LIMCH1: variants seen among roughly 807,000 people sequenced by gnomAD.
The protein encoded by LIMCH1 is LIM and calponin homology domains 1.
LIMCH1 carries 113 observed loss-of-function variants against 176.5 expected under a neutral mutation model. That is an observed-to-expected ratio of 0.64 (90% CI 0.55 to 0.75). The LOEUF (loss-of-function observed/expected upper bound fraction) is 0.75. Ranked by LOEUF, LIMCH1 falls within the 30% of genes least tolerant of loss-of-function variation. The probability of loss-of-function intolerance (pLI) is 0.00; values close to 1 mark genes in which losing one functional copy is unlikely to be tolerated. For synonymous variants in LIMCH1, 619 were observed against 645.9 expected (o/e 0.96, Z 0.63); for missense variants, 1,674 against 1,814.9 (o/e 0.92, Z 1.41).
At chr4:41,567,263 T>C (rs1368130044) in intron 1 of LIMCH1, among the ~76,000 whole-genome samples, 2 of 152,208 alleles carry the variant, frequency 1.3e-5, no homozygotes, top group South Asian at 4.1e-4. Context: ...TATATTATGC[T>C]GTACATGGGA....
chr4:41,631,225 TTGCCAAC>T lies in LIMCH1; in HGVS notation c.1350_1356del (p.Asn452LysfsTer21). 6.5e-7 allele frequency: 1 copy of T among 1,536,154 alleles called. No individual in the cohort carries two copies. Among genetic ancestry groups the T allele is most frequent in the South Asian group, 1.2e-5 (1 of 84,060 alleles). ...GCAGAAACTGCCATTCGTGATGACT[TTGCCAAC>T]CGCAAAGCAAGGGCCTCTAAGAAAG... is the stretch of plus-strand genomic sequence containing the variant. On this transcript the variant is annotated frameshift_variant, in exon 10 of 32. Coordinates refer to ENST00000503057, the MANE Select transcript of LIMCH1 (RefSeq NM_001330672.2). LOFTEE classifies it high-confidence loss of function.
intron 1 of LIMCH1, among the ~76,000 whole-genome samples, chr4:41,467,850 C>T (rs2066375316): frequency 6.6e-6 from 1 of 152,210 alleles, no homozygotes; most frequent in Non-Finnish European, 1.5e-5. Context: ...TACCCCTGAA[C>T]TCAGAGGCTA....
At chr4:41,645,284 A>G (rs1396733182) in intron 15 of LIMCH1, among the ~76,000 whole-genome samples, 1 of 152,214 alleles carries the variant, frequency 6.6e-6, no homozygotes, top group Non-Finnish European at 1.5e-5. Flanking sequence ...GGAGGTAGCT[A>G]TTGCAAACTT....
intron 5 of LIMCH1, among the ~76,000 whole-genome samples, chr4:41,617,917 A>T (rs550319438): frequency 6.6e-6 from 1 of 152,344 alleles, no homozygotes; most frequent in East Asian, 1.9e-4. Flanking sequence ...CAATAGTTTC[A>T]TATGTATCTG....
chr4:41,513,306 T>C (rs925664573), intron 2 of LIMCH1, among the ~76,000 whole-genome samples: 1 of 152,150 alleles, frequency 6.6e-6, no homozygotes, highest in South Asian at 2.1e-4. Context: ...TGCTTGCTGT[T>C]TGATGATTTT....
chr4:41,476,391 T>C (rs1194633041), intron 1 of LIMCH1, among the ~76,000 whole-genome samples: 1 of 152,204 alleles, frequency 6.6e-6, no homozygotes, highest in Admixed American at 6.5e-5. Context: ...TTCATTGCTG[T>C]GGGCGTTGTT....
At position 41,361,144 on chromosome 4, in the gene LIMCH1, G is replaced by A. The variant is rs542833405; in HGVS notation, c.96+208G>A. Among the ~76,000 whole-genome samples, 15 of 152,340 alleles carry A rather than the reference G, an allele frequency of 9.8e-5. No homozygotes were observed. The South Asian group carries it at 3.1e-3, about 32-fold the overall frequency. ...TCCCGGGCGAGGGTGGGCGTGAAAG[G>A]GGACACTGCAGTCTAGCTGCGCGCG... On this transcript the variant is annotated intron_variant, in intron 1 of 26. Transcript: ENST00000313860.
chr4:41,682,984 C>A (rs960059898), intron 26 of LIMCH1, among the ~76,000 whole-genome samples: 3 of 152,042 alleles, frequency 2.0e-5, no homozygotes, highest in African/African-American at 7.2e-5. Flanking sequence ...GCCTAAATAG[C>A]CTTATTTTTA....
In LIMCH1 at chr4:41,650,398, C is replaced by G; in HGVS notation, c.2826C>G (p.Asp942Glu). 1 of 1,613,168 alleles carries G rather than the reference C, an allele frequency of 6.2e-7. No individual in the cohort carries two copies. The highest frequency in any genetic ancestry group is 8.5e-7 in the Non-Finnish European group (1 of 1,179,396). Reference sequence around the variant, plus strand: ...GTTCATTCTGGCTTTTATAGGTAGACGGGAAAGTCAGTGTGAATGGAGAGA... The same window carrying G: ...GTTCATTCTGGCTTTTATAGGTAGAGGGGAAAGTCAGTGTGAATGGAGAGA... ...SQDVLKTFKV[D>E]GKVSVNGETV... The change falls in exon 18 of 32, where the codon GAC (aspartate) becomes GAG (glutamate). Residue 942 changes from aspartate to glutamate, a missense_variant. Around this residue, in one of 3 missense-constraint regions of LIMCH1, gnomAD observed 1,015 missense variants for 1,102.5 expected, o/e 0.92. Transcript: ENST00000503057.
chr4:41,404,461 T>G lies in LIMCH1; in HGVS notation c.96+43525T>G, dbSNP rs1418096986. ...ACCACTTCAGTCTTGCCTTGCTCCT[T>G]GGGGAGTATTTTCTTTTAAAAAAAT... On this transcript the variant is annotated intron_variant, in intron 1 of 26. Coordinates refer to the LIMCH1 transcript ENST00000313860. Among the ~76,000 whole-genome samples the G allele has an allele frequency of 2.6e-5, 4 of 152,182 alleles. No individual in the cohort carries two copies. In the East Asian group the frequency reaches 7.7e-4, roughly 29 times the overall value.
Position 41,626,712 on chromosome 4 carries a change from A to C in LIMCH1, c.730A>C (p.Lys244Gln). 6.5e-7 allele frequency: 1 copy of C among 1,535,044 alleles called. No individual in the cohort carries two copies. Among genetic ancestry groups the C allele is most frequent in the South Asian group, 1.2e-5 (1 of 84,036 alleles). Residue 244 changes from lysine (K) to glutamine (Q), a missense_variant, in exon 8 of 32, where the codon AAA becomes CAA. Physicochemically the swap from Lys to Gln is moderately conservative, Grantham distance 53. Around this residue, in one of 3 missense-constraint regions of LIMCH1, gnomAD observed 655 missense variants for 692.2 expected, o/e 0.95. Coordinates refer to ENST00000503057, the MANE Select transcript of LIMCH1 (RefSeq NM_001330672.2). ...MPAAQRFASQKQLSEEKEAIR... is the reference protein window; with the variant it reads ...MPAAQRFASQQQLSEEKEAIR... ...CATTTAATTTTCCCCTATCAGTCAA[A>C]AACAATTAAGTGAAGAGAAAGAAGC...
intron 22 of LIMCH1, among the ~76,000 whole-genome samples, chr4:41,671,884 CAAA>C (rs34994833): frequency 0.11 from 5,471 of 51,576 alleles, 63 homozygotes; most frequent in South Asian, 0.2. Flanking sequence ...GACTTCGTCT[CAAA>C]AAAAAAAAAA....
chr4:41,597,780 A>G (rs892154608), intron 1 of LIMCH1, among the ~76,000 whole-genome samples: 1 of 152,214 alleles, frequency 6.6e-6, no homozygotes, highest in Non-Finnish European at 1.5e-5. Flanking sequence ...CTTGCTAGTG[A>G]CATATCACAG....
In LIMCH1 at chr4:41,549,033, C is replaced by A. The variant is rs1305519763; in HGVS notation, c.-241+10683C>A. Among the ~76,000 whole-genome samples, 3 of 151,472 alleles carry A rather than the reference C, an allele frequency of 2.0e-5. 1 individual carries two copies. Among genetic ancestry groups the A allele is most frequent in the African/African-American group, 7.3e-5 (3 of 41,342 alleles). ...CCTGTGAAAACTCATGGTTTCTATT[C>A]TTTCCCATTTTGTCCCCTACTGTTA... On this transcript the variant is annotated intron_variant, in intron 1 of 31. Transcript: ENST00000503057.
rs900469365 is a variant in LIMCH1, at chr4:41,697,216, A to G, written c.*31A>G. ...CTTTCAAGCTTCCGGATCACTCACC[A>G]TTTCTTTACTGAGAGTGTCCCCTGG... On this transcript the variant is annotated 3_prime_UTR_variant, in exon 32 of 32. Transcript: ENST00000503057. The G allele has an allele frequency of 6.2e-7, 1 of 1,609,232 alleles. No homozygotes were observed. The highest frequency in any genetic ancestry group is 1.7e-4 in the Middle Eastern group (1 of 6,052).
chr4:41,386,838 A>G lies in LIMCH1; in HGVS notation c.96+25902A>G, dbSNP rs192103869. Among the ~76,000 whole-genome samples the G allele has an allele frequency of 5.9e-5, 9 of 152,332 alleles. No individual in the cohort carries two copies. In the East Asian group the frequency reaches 1.7e-3, roughly 29 times the overall value. On this transcript the variant is annotated intron_variant, in intron 1 of 26. Coordinates refer to the LIMCH1 transcript ENST00000313860. ...TTCAATAGTGAGGTTTCTGATGTGC[A>G]TGACATCCAGGGGTGAGATTTCTGC...
In LIMCH1 at chr4:41,629,729, G is replaced by C. The variant is rs1308524408; in HGVS notation, c.1266G>C (p.Lys422Asn). ...GGGAGAGACTCAAAGTGTCAGAAAA[G>C]GCGAGGTGTGTCATGTTTCCCCCCC... ...ETWERLKVSE[K>N]ARDGDVQHIC... Residue 422 changes from lysine (K) to asparagine (N), a missense_variant, in exon 9 of 32, where the codon AAG becomes AAC. Lys to Asn is a moderately conservative substitution (Grantham distance 94, BLOSUM62 0). This residue lies in a region of LIMCH1 where 655 missense variants were observed against 692.2 expected (regional missense o/e 0.95). Coordinates refer to ENST00000503057, the MANE Select transcript of LIMCH1 (RefSeq NM_001330672.2). 24 of 1,534,854 alleles carry C rather than the reference G, an allele frequency of 1.6e-5. No homozygotes were observed. Among genetic ancestry groups the C allele is most frequent in the East Asian group, 1.2e-4 (5 of 40,902 alleles).
rs1731344122 is a variant in LIMCH1 at position 41,697,170 on chromosome 4, G to T, written c.4389G>T (p.Gln1463His). ...DCYMRSRSAG[Q>H]PTTL ...TTGTTTTAATCACAGGTGCCGGGCA[G>T]CCTACAACATTGTGACACGGCTTTC... Residue 1463 changes from glutamine (Q) to histidine (H), a missense_variant, in exon 32 of 32, where the codon CAG becomes CAT. Transcript: ENST00000503057. The T allele has an allele frequency of 1.2e-6, 2 of 1,613,570 alleles. No homozygotes were observed. Among genetic ancestry groups the T allele is most frequent in the South Asian group, 2.2e-5 (2 of 91,016 alleles).
intron 1 of LIMCH1, among the ~76,000 whole-genome samples, chr4:41,461,039 T>C (rs2154153027): frequency 6.6e-6 from 1 of 152,340 alleles, no homozygotes; most frequent in African/African-American, 2.4e-5. Context: ...GTTTATAGTT[T>C]TGTGGAAATA....
Sources: allele counts gnomAD v4.1 joint callset (sites outside exome capture counted in the v4.1 genomes callset), GRCh38; gene constraint gnomAD v4.1.1; regional missense constraint gnomAD v4.1.1; transcripts MANE v1.5; gene names NCBI Gene and HGNC (gene_info 2026-07-23, HGNC 2026-07-21).